The following MARCHF4 variants were observed in gnomAD, a reference collection of about 807,000 sequenced individuals.
MARCHF4 encodes membrane associated ring-CH-type finger 4.
In MARCHF4, 14 loss-of-function variants were observed where a neutral mutation model predicts 43.9. That is an observed-to-expected ratio of 0.32 (90% CI 0.21 to 0.50). The LOEUF (loss-of-function observed/expected upper bound fraction) is 0.50, where lower values mean the gene tolerates loss of function less well. Among genes scored for constraint, MARCHF4 ranks in the 20% least tolerant of loss-of-function variants. The pLI, the probability that MARCHF4 is intolerant of heterozygous loss-of-function variation, is 0.98. For missense variants in MARCHF4, 468 were observed against 536.7 expected, an observed-to-expected ratio of 0.87 and a Z score of 1.27; for synonymous variants, 226 against 213.3, an observed-to-expected ratio of 1.06 and a Z score of -0.52.
chr2:216,326,112 A>G (rs1691986668), intron 1 of MARCHF4, among the ~76,000 whole-genome samples: 1 of 147,586 alleles, frequency 6.8e-6, no homozygotes, highest in African/African-American at 2.5e-5. Context: ...ACAAATTTAC[A>G]AGAAAAAAAC....
At chr2:216,337,986 T>A (rs1441674615) in intron 1 of MARCHF4, among the ~76,000 whole-genome samples, 2 of 152,120 alleles carry the variant, frequency 1.3e-5, no homozygotes, top group Non-Finnish European at 2.9e-5. Flanking sequence ...AACACACTCA[T>A]AAAAGTATGA....
intron 3 of MARCHF4, among the ~76,000 whole-genome samples, chr2:216,270,469 T>C (rs1270979255): frequency 6.6e-6 from 1 of 152,122 alleles, no homozygotes; most frequent in Non-Finnish European, 1.5e-5. Flanking sequence ...AACATCTTCC[T>C]CTACGTCACA....
At chr2:216,288,638 G>A (rs1201047429) in intron 1 of MARCHF4, among the ~76,000 whole-genome samples, 1 of 152,186 alleles carries the variant, frequency 6.6e-6, no homozygotes, top group East Asian at 1.9e-4. Context: ...CCAAACAGAA[G>A]AAGAGTGCAG....
chr2:216,326,603 C>T (rs1411886797), intron 1 of MARCHF4, among the ~76,000 whole-genome samples: 2 of 152,048 alleles, frequency 1.3e-5, no homozygotes, highest in African/African-American at 4.8e-5. Context: ...AAATGTGGCA[C>T]ATATACACCG....
intron 1 of MARCHF4, among the ~76,000 whole-genome samples, chr2:216,348,771 C>A (rs1188060044): frequency 6.6e-6 from 1 of 152,180 alleles, no homozygotes; most frequent in Non-Finnish European, 1.5e-5. Context: ...CTTTTGGGGT[C>A]TGGATCAGGA....
chr2:216,301,989 C>T (rs898649460), intron 1 of MARCHF4, among the ~76,000 whole-genome samples: 5 of 152,168 alleles, frequency 3.3e-5, no homozygotes, highest in African/African-American at 1.2e-4. Flanking sequence ...CAAGCTCTGT[C>T]AACCTAGTGG....
intron 1 of MARCHF4, among the ~76,000 whole-genome samples, chr2:216,301,838 A>G (rs1268982706): frequency 6.6e-6 from 1 of 152,246 alleles, no homozygotes; most frequent in East Asian, 1.9e-4. Flanking sequence ...TGAGGGCAAC[A>G]GTATTGCTGA....
chr2:216,343,638 A>T (rs1692266737), intron 1 of MARCHF4, among the ~76,000 whole-genome samples: 1 of 152,150 alleles, frequency 6.6e-6, no homozygotes, highest in Admixed American at 6.5e-5. Context: ...TGTATCCTTT[A>T]TCCAGCTTTA....
chr2:216,356,813 A>G (rs1692509999), intron 1 of MARCHF4, among the ~76,000 whole-genome samples: 2 of 152,178 alleles, frequency 1.3e-5, no homozygotes, highest in South Asian at 4.1e-4. Flanking sequence ...ACTTGAGGTC[A>G]GGAGTTTGAG....
chr2:216,338,489 A>G (rs1692190778), intron 1 of MARCHF4, among the ~76,000 whole-genome samples: 1 of 152,066 alleles, frequency 6.6e-6, no homozygotes, highest in African/African-American at 2.4e-5. Flanking sequence ...ATAAACCTTG[A>G]CAGCCCTTCC....
chr2:216,349,770 G>A (rs1015573620), intron 1 of MARCHF4, among the ~76,000 whole-genome samples: 15 of 152,174 alleles, frequency 9.9e-5, no homozygotes, highest in African/African-American at 3.6e-4. Context: ...AAGTGACAAG[G>A]CTGGAGGCTC....
At chr2:216,289,294 A>G (rs1181699279) in intron 1 of MARCHF4, among the ~76,000 whole-genome samples, 1 of 130,434 alleles carries the variant, frequency 7.7e-6, no homozygotes, top group East Asian at 2.2e-4. Flanking sequence ...TTGTCTTGCC[A>G]CTTCTCTAAA....
chr2:216,283,832 A>C (rs1389641200), intron 1 of MARCHF4, 103 bp from the exon 2 acceptor site: 1 of 1,247,226 alleles, frequency 8.0e-7, no homozygotes, highest in African/African-American at 1.5e-5. Flanking sequence ...GAGCCACCCA[A>C]GTAGGCCACA....
At chr2:216,279,447 A>C (rs1471421587) in intron 2 of MARCHF4, among the ~76,000 whole-genome samples, 1 of 152,210 alleles carries the variant, frequency 6.6e-6, no homozygotes, top group African/African-American at 2.4e-5. Context: ...TAAGCAGAGG[A>C]CTGACAGGAT....
At chr2:216,267,117 C>A (rs1690858170) in intron 3 of MARCHF4, among the ~76,000 whole-genome samples, 1 of 152,136 alleles carries the variant, frequency 6.6e-6, no homozygotes, top group African/African-American at 2.4e-5. Context: ...TGGGGTTGGC[C>A]TTCTGTGACA....
At chr2:216,341,010 A>G (rs1267883085) in intron 1 of MARCHF4, among the ~76,000 whole-genome samples, 1 of 152,168 alleles carries the variant, frequency 6.6e-6, no homozygotes, top group Non-Finnish European at 1.5e-5. Flanking sequence ...GTTGTCAGTC[A>G]GTCCCTCTTC....
intron 1 of MARCHF4, among the ~76,000 whole-genome samples, chr2:216,297,517 G>A (rs888325672): frequency 1.3e-5 from 2 of 152,098 alleles, no homozygotes; most frequent in African/African-American, 4.8e-5. Flanking sequence ...TCTTGGTTTT[G>A]TTTTGTTTTT....
At chr2:216,346,074 C>G (rs1204693191) in intron 1 of MARCHF4, among the ~76,000 whole-genome samples, 1 of 152,176 alleles carries the variant, frequency 6.6e-6, no homozygotes, top group African/African-American at 2.4e-5. Flanking sequence ...GCTTAACAGT[C>G]TACAGTGTAG....
intron 1 of MARCHF4, among the ~76,000 whole-genome samples, chr2:216,338,562 T>C (rs1023087490): frequency 1.1e-4 from 16 of 152,158 alleles, no homozygotes; most frequent in African/African-American, 2.9e-4. Context: ...CTCCTCCTTT[T>C]GTCCCTCCAG....
Sources: gnomAD v4.1 joint callset for allele counts (sites outside exome capture counted in the v4.1 genomes callset) on GRCh38, gnomAD v4.1.1 for gene constraint, MANE v1.5 for transcripts, NCBI Gene and HGNC (gene_info 2026-07-23, HGNC 2026-07-21) for gene names.